The following BRAT1 variants were observed in gnomAD, a reference collection of about 807,000 sequenced individuals.
BRAT1 encodes the protein integrator complex assembly factor BRAT1.
BRAT1 carries 74 observed loss-of-function variants against 70.6 expected under a neutral mutation model. The ratio of observed to expected loss-of-function variants is 1.05; its 90% confidence interval spans 0.87 to 1.27. BRAT1 has a LOEUF of 1.27. Among genes scored for constraint, BRAT1 ranks in the 50% most tolerant of loss-of-function variants. The pLI, the probability that BRAT1 is intolerant of heterozygous loss-of-function variation, is 0.00. For synonymous variants in BRAT1, 615 were observed against 517.1 expected, an observed-to-expected ratio of 1.19 and a Z score of -2.57; for missense variants, 1,203 against 1,098.2, an observed-to-expected ratio of 1.10 and a Z score of -1.35.
rs2128396527 is a variant in BRAT1 at position 2,543,644 on chromosome 7, C to T, written c.749G>A (p.Arg250Lys). 6.5e-7 allele frequency: 1 copy of T among 1,546,114 alleles called. No homozygotes were observed. The highest frequency in any genetic ancestry group is 1.2e-5 in the South Asian group (1 of 81,822). ...CGAGTGTGCGGCGGGGATGGGGTCT[C>T]TCTCCAGCAGACAGGCCACGCGGGG... Reference protein sequence around the residue: ...LSPRVACLLERDPIPAAHSFV... With the variant: ...LSPRVACLLEKDPIPAAHSFV... Residue 250 changes from arginine (R) to lysine (K), a missense_variant, in exon 5 of 14, where the codon AGA (arginine) becomes AAA (lysine). Arg to Lys is a conservative substitution (Grantham distance 26). Coordinates refer to ENST00000340611, the MANE Select transcript of BRAT1 (RefSeq NM_152743.4). This position sits in a 1 kb window ranked among gnomAD's most constrained non-coding sequence, Gnocchi z 5.5.
In BRAT1 at chr7:2,544,200, G is replaced by GTTT. The variant is rs1172630697; in HGVS notation, c.431-241_431-239dup. 5.0e-3 allele frequency: 539 copies of GTTT among 108,424 alleles called. 1 individual carries two copies. Among genetic ancestry groups the GTTT allele is most frequent in the South Asian group, 0.013 (49 of 3,706 alleles). 6.7% of individuals were successfully genotyped at this position (108,424 alleles called of 1,614,324 possible). On this transcript the variant is annotated intron_variant, in intron 4 of 13. Transcript: ENST00000340611. ...GCTTCCCAATTCGTTCCTTCTTGTT[G>GTTT]TTTTTTTTTTTTTTTTTTTTGAGAC... is the stretch of plus-strand genomic sequence containing the variant.
intron 10 of BRAT1, chr7:2,540,762 C>T: frequency 6.6e-6 from 3 of 457,420 alleles, no homozygotes; most frequent in Non-Finnish European, 1.1e-5. Context: ...TCCCCACGGC[C>T]CCACACACCC....
At chr7:2,555,451 C>G (rs1408437490) in intron 1 of BRAT1, 36 bp downstream of exon 1, 2 of 152,304 alleles carry the variant, frequency 1.3e-5, no homozygotes, top group Non-Finnish European at 2.9e-5. Context: ...CGCCCCACTA[C>G]CACGACCTCG....
chr7:2,542,748 T>C (rs1583307092), intron 6 of BRAT1: 1 of 170,968 alleles, frequency 5.8e-6, no homozygotes, highest in South Asian at 1.4e-4. Flanking sequence ...CCACCCCTAT[T>C]GTGAGCCCAC....
At position 2,541,750 on chromosome 7, in the gene BRAT1, TGCGGCACAGGAGGCCGGC is replaced by T. The variant is rs771572121; in HGVS notation, c.1084_1101del (p.Ala362_Arg367del). The T allele has an allele frequency of 6.2e-7, 1 of 1,610,850 alleles. No individual in the cohort carries two copies. Among genetic ancestry groups the T allele is most frequent in the Admixed American group, 1.7e-5 (1 of 59,804 alleles). On this transcript the variant is annotated inframe_deletion, in exon 8 of 14. Transcript: ENST00000340611. ...TGCAGCTCCTCCAGGTGAGCCAGGGTGCGGCACAGGAGGCCGGCGCAGGACGACTTGGAGGCCAGGAGT... is the reference window on the plus strand; with the variant it reads ...TGCAGCTCCTCCAGGTGAGCCAGGGTGCAGGACGACTTGGAGGCCAGGAGT...
intron 3 of BRAT1, among the ~76,000 whole-genome samples, chr7:2,546,595 C>T (rs1014378041): frequency 4.0e-5 from 6 of 151,892 alleles, no homozygotes; most frequent in African/African-American, 7.2e-5. Context: ...ATTAGCTGGG[C>T]GTGGTGGCAG....
In BRAT1 at chr7:2,544,202, T is replaced by TG. The variant is rs58886966; in HGVS notation, c.431-241_431-240insC. On this transcript the variant is annotated intron_variant, in intron 4 of 13. Transcript: ENST00000340611. ...TTCCCAATTCGTTCCTTCTTGTTGT[T>TG]TTTTTTTTTTTTTTTTTTGAGACAG... 37 of 304,410 alleles carry TG rather than the reference T, an allele frequency of 1.2e-4. 1 individual carries two copies. The highest frequency in any genetic ancestry group is 8.7e-4 in the African/African-American group (36 of 41,180). 18.9% of individuals were successfully genotyped at this position (304,410 alleles called of 1,614,324 possible). A position where few individuals can be genotyped will look rare whatever the true frequency, so the allele number is the denominator to read the frequency against.
rs1287233340 is a variant in BRAT1 at position 2,538,677 on chromosome 7, G to A, written c.1858C>T (p.Leu620=). Residue 620 remains leucine (L), a synonymous_variant, in exon 14 of 14, where the codon CTG becomes TTG. Transcript: ENST00000340611. ...RAVMQVFTEW[L]RDGHADAAQD... is the part of the protein sequence containing the mutation. Reference sequence around the variant, plus strand: ...GCCGCGTCGGCGTGGCCGTCCCGCAGCCACTCAGTGAAGACTTGCATGACC... The same window carrying A: ...GCCGCGTCGGCGTGGCCGTCCCGCAACCACTCAGTGAAGACTTGCATGACC... The A allele has an allele frequency of 6.3e-7, 1 of 1,598,290 alleles. No individual in the cohort carries two copies. The highest frequency in any genetic ancestry group is 1.3e-5 in the African/African-American group (1 of 74,934).
At chr7:2,548,956 T>G (rs1436988382) in intron 2 of BRAT1, among the ~76,000 whole-genome samples, 2 of 152,124 alleles carry the variant, frequency 1.3e-5, no homozygotes, top group African/African-American at 4.8e-5. Flanking sequence ...AGGGCAAGAC[T>G]CTGTCTCAAA....
chr7:2,542,251 C>A lies in BRAT1; in HGVS notation c.924-40G>T, dbSNP rs375539310. On this transcript the variant is annotated intron_variant, in intron 6 of 13. Coordinates refer to ENST00000340611, the MANE Select transcript of BRAT1 (RefSeq NM_152743.4). ...GAGGTGAGTGCCGCGACCCTGGCTGCGAGACAAGTTGGCTGTGCTCCTAAT... is the reference window on the plus strand; with the variant it reads ...GAGGTGAGTGCCGCGACCCTGGCTGAGAGACAAGTTGGCTGTGCTCCTAAT... 11 of 1,503,652 alleles carry A rather than the reference C, an allele frequency of 7.3e-6. No homozygotes were observed. In the East Asian group the frequency reaches 2.2e-4, roughly 30 times the overall value. 93.1% of individuals were successfully genotyped at this position (1,503,652 alleles called of 1,614,324 possible).
rs2128399836 is a variant in BRAT1, at chr7:2,545,070, AAAG to A, written c.283-17_283-15del. 4 of 1,478,928 alleles carry A rather than the reference AAAG, an allele frequency of 2.7e-6. No homozygotes were observed. The highest frequency in any genetic ancestry group is 3.6e-6 in the Non-Finnish European group (4 of 1,113,026). The allele number at this position is 1,478,928 out of a possible 1,614,324, so 91.6% of individuals were successfully genotyped here. On this transcript the variant is annotated splice_polypyrimidine_tract_variant and intron_variant, in intron 3 of 13. Transcript: ENST00000340611. ...TAACTCCCCCTGCTGGGAAGCAAAAAAAGAAGTGAGGGTGGCCAGGCGCAGTGG... is the reference window on the plus strand; with the variant it reads ...TAACTCCCCCTGCTGGGAAGCAAAAAAAGTGAGGGTGGCCAGGCGCAGTGG...
intron 4 of BRAT1, 30 bp downstream of exon 4, chr7:2,544,879 A>AG (rs1211065447): frequency 6.5e-7 from 1 of 1,546,516 alleles, no homozygotes; most frequent in South Asian, 1.2e-5. Flanking sequence ...AGGCAGGATG[A>AG]GGAATGGGGT....
chr7:2,551,769 A>C (rs4721782), intron 2 of BRAT1, among the ~76,000 whole-genome samples: 18,408 of 151,784 alleles, frequency 0.12, 1,510 homozygotes, highest in Admixed American at 0.17. Context: ...AAAATCATAT[A>C]GTGAAATCTC....
At chr7:2,539,410 C>G in intron 12 of BRAT1, 59 bp from the exon 13 acceptor site, 1 of 1,548,028 alleles carries the variant, frequency 6.5e-7, no homozygotes, top group Non-Finnish European at 8.8e-7. Context: ...GTCGCCTCGG[C>G]CTCTGCCTCC....
chr7:2,541,692 C>G, intron 8 of BRAT1, 26 bp downstream of exon 8: 1 of 1,590,332 alleles, frequency 6.3e-7, no homozygotes, highest in East Asian at 2.3e-5. Flanking sequence ...TGCTGCTGGG[C>G]TGCATGAGGA....
chr7:2,551,644 C>T (rs1417580911), intron 2 of BRAT1, among the ~76,000 whole-genome samples: 1 of 150,094 alleles, frequency 6.7e-6, no homozygotes, highest in Non-Finnish European at 1.5e-5. Context: ...CACGCCATTG[C>T]ACTCCATCCT....
At position 2,539,620 on chromosome 7, in the gene BRAT1, T is replaced by G. The variant is rs1442646274; in HGVS notation, c.1521A>C (p.Lys507Asn). The G allele has an allele frequency of 6.3e-7, 1 of 1,594,630 alleles. No homozygotes were observed. The highest frequency in any genetic ancestry group is 1.3e-5 in the African/African-American group (1 of 74,416). Reference sequence around the variant, plus strand: ...CCTCCCAGCAGGGGTGGCACAGGCGTTTCTGCAGCACAGGGAACAGCTCTA... The same window carrying G: ...CCTCCCAGCAGGGGTGGCACAGGCGGTTCTGCAGCACAGGGAACAGCTCTA... ...FLRELFPVLQ[K>N]RLCHPCWEVR... Residue 507 changes from lysine (K) to asparagine (N), a missense_variant, in exon 12 of 14, where the codon AAA becomes AAC. Lys to Asn is a moderately conservative substitution (Grantham distance 94, BLOSUM62 0). Transcript: ENST00000340611.
chr7:2,538,808 G>A (rs916016951), intron 13 of BRAT1, 44 bp from the exon 14 acceptor site: 16 of 1,593,556 alleles, frequency 1.0e-5, no homozygotes, highest in Non-Finnish European at 1.4e-5. Context: ...GGGGTGGCAG[G>A]AGCGAGGCTC....
chr7:2,548,093 C>CA (rs57069903), intron 2 of BRAT1, among the ~76,000 whole-genome samples: 11,961 of 98,210 alleles, frequency 0.12, 698 homozygotes, highest in African/African-American at 0.16. Flanking sequence ...GACTCCATTC[C>CA]AAAAAAAAAA....
Sources: gnomAD v4.1 joint callset for allele counts (sites outside exome capture counted in the v4.1 genomes callset) on GRCh38, gnomAD v4.1.1 for gene constraint, Gnocchi (gnomAD v3.1) non-coding constraint, MANE v1.5 for transcripts, NCBI Gene and HGNC (gene_info 2026-07-23, HGNC 2026-07-21) for gene names.